Variants in APC observed in about 807,000 individuals in gnomAD.
The protein encoded by APC is adenomatous polyposis coli protein.
APC carries 72 observed loss-of-function variants against 247.0 expected under a neutral mutation model. The observed-to-expected ratio is 0.29, with a 90% CI of 0.24 to 0.35. APC has a LOEUF of 0.35. Ranked by LOEUF, APC falls within the 10% of genes least tolerant of loss-of-function variation. APC has a pLI of 1.00. For synonymous variants in APC, 1,254 were observed against 1,162.5 expected, an observed-to-expected ratio of 1.08 and a Z score of -1.60; for missense variants, 3,400 against 3,360.7, an observed-to-expected ratio of 1.01 and a Z score of -0.29.
At chr5:112,758,096 T>A (rs1755195854) in intron 2 of APC, among the ~76,000 whole-genome samples, 1 of 152,136 alleles carries the variant, frequency 6.6e-6, no homozygotes, top group African/African-American at 2.4e-5. Flanking sequence ...TAATTATTGA[T>A]GTGGGATATG....
Position 112,835,071 on chromosome 5 carries a change from T to C in APC, c.1864T>C (p.Tyr622His), listed in dbSNP as rs1561568794. 1.2e-6 allele frequency: 2 copies of C among 1,614,160 alleles called. No homozygotes were observed. The highest frequency in any genetic ancestry group is 1.7e-6 in the Non-Finnish European group (2 of 1,180,006). ...ALAFLVGTLTYRSQTNTLAII... is the reference protein window; with the variant it reads ...ALAFLVGTLTHRSQTNTLAII... ...TGCATTTTTGGTTGGCACTCTTACT[T>C]ACCGGAGCCAGACAAACACTTTAGC... The change falls in exon 15 of 16, where the codon TAC (tyrosine) becomes CAC (histidine). Residue 622 changes from tyrosine (Y) to histidine (H), a missense_variant. Transcript: ENST00000257430.
upstream of APC, chr5:112,707,511 C>T (rs1750568857): frequency 2.2e-6 from 1 of 459,542 alleles, no homozygotes; most frequent in Non-Finnish European, 4.0e-6. Context: ...TTGTAGTCTT[C>T]CCACCTCCCA....
chr5:112,843,801 C>T lies in APC; in HGVS notation c.8207C>T (p.Thr2736Ile), dbSNP rs1291474243. Residue 2736 changes from threonine to isoleucine, a missense_variant, in exon 16 of 16, where the codon ACT (threonine) becomes ATT (isoleucine). Transcript: ENST00000257430. This position sits in a 1 kb window ranked among gnomAD's most constrained non-coding sequence, Gnocchi z 4.8. ...GTGGATGCCCCTGACCAAAAAGGAA[C>T]TGAGATAAAACCAGGACAAAATAAT... Reference protein sequence around the residue: ...IQVDAPDQKGTEIKPGQNNPV... With the variant: ...IQVDAPDQKGIEIKPGQNNPV... 6 of 1,613,936 alleles carry T rather than the reference C, an allele frequency of 3.7e-6. No homozygotes were observed. Among genetic ancestry groups the T allele is most frequent in the Non-Finnish European group, 5.1e-6 (6 of 1,179,956 alleles).
intron 6 of APC, among the ~76,000 whole-genome samples, chr5:112,784,268 A>G (rs769610361): frequency 2.6e-5 from 4 of 152,152 alleles, no homozygotes; most frequent in Non-Finnish European, 5.9e-5. Flanking sequence ...GGGTTTCACC[A>G]TATTGGTCAG....
At chr5:112,805,363 CT>C (rs1761268794) in intron 8 of APC, among the ~76,000 whole-genome samples, 1 of 152,130 alleles carries the variant, frequency 6.6e-6, no homozygotes, top group African/African-American at 2.4e-5. Flanking sequence ...AGGAAAAGAT[CT>C]ATTGAAAATA....
In APC at chr5:112,724,977, T is replaced by C. The variant is rs531267516; in HGVS notation, c.165+17095T>C. On this transcript the variant is annotated intron_variant, in intron 1 of 13. Transcript: ENST00000507379. Reference sequence around the variant, plus strand: ...TTTCTAACAGCTGGCAATTAACAGATTTTTATTTTATTTTTTTTTATTTTG... The same window carrying C: ...TTTCTAACAGCTGGCAATTAACAGACTTTTATTTTATTTTTTTTTATTTTG... 3.9e-5 allele frequency among the ~76,000 whole-genome samples: 6 copies of C among 152,170 alleles called. No homozygotes were observed. In the South Asian group the frequency reaches 1.2e-3, roughly 32 times the overall value.
intron 2 of APC, among the ~76,000 whole-genome samples, chr5:112,762,442 C>A (rs1015424359): frequency 2.0e-5 from 3 of 151,990 alleles, no homozygotes; most frequent in African/African-American, 7.2e-5. Flanking sequence ...CCCAGATGCC[C>A]CTTTAAGAGG....
At chr5:112,720,438 GA>G (rs1751420877) in intron 1 of APC, among the ~76,000 whole-genome samples, 1 of 152,182 alleles carries the variant, frequency 6.6e-6, no homozygotes, top group Admixed American at 6.5e-5. Flanking sequence ...AGGATAAAAT[GA>G]GGTGGACAGA....
chr5:112,708,793 C>T (rs996513779), intron 1 of APC, among the ~76,000 whole-genome samples: 3 of 152,106 alleles, frequency 2.0e-5, no homozygotes, highest in African/African-American at 7.2e-5. Context: ...ACTGTTCAAC[C>T]CTCCTTAGGA....
intron 1 of APC, chr5:112,738,514 G>GT (rs1426892485): frequency 2.0e-6 from 2 of 984,096 alleles, no homozygotes; most frequent in Non-Finnish European, 2.4e-6. Flanking sequence ...GTCACCAGTA[G>GT]TGTGCCTGCT....
intron 1 of APC, among the ~76,000 whole-genome samples, chr5:112,726,615 T>G (rs1050093018): frequency 1.3e-5 from 2 of 152,122 alleles, no homozygotes; most frequent in African/African-American, 4.8e-5. Context: ...TCTTCCTATT[T>G]AGGGCTGCAG....
intron 6 of APC, among the ~76,000 whole-genome samples, chr5:112,788,349 A>G (rs1158850284): frequency 2.0e-5 from 3 of 152,186 alleles, no homozygotes; most frequent in Non-Finnish European, 4.4e-5. Flanking sequence ...TTAAATTTAT[A>G]GATTAAGGAG....
rs1750576936 is a variant in APC, at chr5:112,707,563, C to A, written c.-155C>A. The A allele has an allele frequency of 1.4e-6, 1 of 718,328 alleles. No individual in the cohort carries two copies. Among genetic ancestry groups the A allele is most frequent in the Non-Finnish European group, 2.1e-6 (1 of 476,646 alleles). 44.5% of individuals were successfully genotyped at this position (718,328 alleles called of 1,614,324 possible). ...AAGTAGCAAGGGGGCGGGGTGTGGC[C>A]GCCGGAAGCCTAGCCGCTGCTCGGG... is the stretch of plus-strand genomic sequence containing the variant. On this transcript the variant is annotated 5_prime_UTR_variant, in exon 1 of 14. Transcript: ENST00000507379.
chr5:112,741,482 G>C (rs1277413078), intron 1 of APC, among the ~76,000 whole-genome samples: 6 of 152,144 alleles, frequency 3.9e-5, no homozygotes, highest in Non-Finnish European at 7.3e-5. Context: ...TACAAGGTAA[G>C]CCTTCTCCCC....
At position 112,828,915 on chromosome 5, in the gene APC, G is replaced by A. The variant is rs770256026; in HGVS notation, c.1686G>A (p.Thr562=). Residue 562 remains threonine, a synonymous_variant, in exon 14 of 16, where the codon ACG becomes ACA. Transcript: ENST00000257430. Reference sequence around the variant, plus strand: ...GAGCAGATGTAAATAGTAAAAAGACGTTGCGAGAAGTTGGAAGTGTGAAAG... The same window carrying A: ...GAGCAGATGTAAATAGTAAAAAGACATTGCGAGAAGTTGGAAGTGTGAAAG... ...SWRADVNSKK[T]LREVGSVKAL... The A allele has an allele frequency of 2.5e-5, 40 of 1,613,794 alleles. No individual in the cohort carries two copies. Among genetic ancestry groups the A allele is most frequent in the Middle Eastern group, 1.6e-4 (1 of 6,078 alleles).
chr5:112,755,089 C>T (rs2149739416), intron 2 of APC, 64 bp downstream of exon 2: 1 of 1,604,948 alleles, frequency 6.2e-7, no homozygotes, highest in Non-Finnish European at 8.5e-7. Flanking sequence ...CTCTTGTAAA[C>T]TTGAGGTAAG....
Position 112,839,575 on chromosome 5 carries a change from A to G in APC, c.3981A>G (p.Ser1327=), listed in dbSNP as rs1554085433. 6.2e-7 allele frequency: 1 copy of G among 1,614,210 alleles called. No homozygotes were observed. The highest frequency in any genetic ancestry group is 1.1e-5 in the South Asian group (1 of 91,088). ...CTGTGAGCGAAGTTCCAGCAGTGTC[A>G]CAGCACCCTAGAACCAAATCCAGCA... ...EDPVSEVPAV[S]QHPRTKSSRL... is the part of the protein sequence containing the mutation. The change falls in exon 16 of 16, where the codon TCA becomes TCG. Residue 1327 remains serine, a synonymous_variant. Coordinates refer to ENST00000257430, the MANE Select transcript of APC (RefSeq NM_000038.6). The surrounding 1 kb of genome is among the most constrained non-coding windows in gnomAD (Gnocchi z 5.0).
intron 2 of APC, 143 bp from the exon 3 acceptor site, chr5:112,766,179 TAATG>T: frequency 1.7e-6 from 1 of 578,274 alleles, no homozygotes; most frequent in Non-Finnish European, 3.1e-6. Flanking sequence ...TATTTATTAA[TAATG>T]AATAATAGGT....
rs116428730 is a variant in APC at position 112,779,641 on chromosome 5, T to G, written c.532-1149T>G. Among the ~76,000 whole-genome samples the G allele has an allele frequency of 8.0e-3, 1,221 of 152,232 alleles. 10 individuals are homozygous for G. Among genetic ancestry groups the G allele is most frequent in the Middle Eastern group, 0.014 (4 of 294 alleles). ...TGAAAACATCAGATCTAAACCACAT[T>G]ATTGCAACATACTGTGTCATGTTCA... is the stretch of plus-strand genomic sequence containing the variant. On this transcript the variant is annotated intron_variant, in intron 5 of 15. Coordinates refer to ENST00000257430, the MANE Select transcript of APC (RefSeq NM_000038.6).
Sources: gnomAD v4.1 joint callset for allele counts (sites outside exome capture counted in the v4.1 genomes callset) on GRCh38, gnomAD v4.1.1 for gene constraint, Gnocchi (gnomAD v3.1) non-coding constraint, MANE v1.5 for transcripts, NCBI Gene and HGNC (gene_info 2026-07-23, HGNC 2026-07-21) for gene names.